FAM193A: variants seen among roughly 807,000 people sequenced by gnomAD.
FAM193A encodes family with sequence similarity 193 member A.
A neutral mutation model predicts 126.5 loss-of-function variants in FAM193A; 22 were observed. The ratio of observed to expected loss-of-function variants is 0.17; its 90% CI spans 0.12 to 0.25. The LOEUF is 0.25. Among genes scored for constraint, FAM193A ranks in the 10% least tolerant of loss-of-function variants. FAM193A has a pLI of 1.00. For missense variants in FAM193A, 1,675 were observed against 1,672.8 expected (o/e 1.00, Z -0.02); for synonymous variants, 761 against 646.8 (o/e 1.18, Z -2.68).
chr4:2,600,095 G>A (rs866022816), intron 2 of FAM193A, among the ~76,000 whole-genome samples: 5 of 152,096 alleles, frequency 3.3e-5, no homozygotes, highest in African/African-American at 7.2e-5. Context: ...ACAGGGTTTC[G>A]TGATGATGGC....
chr4:2,648,737 G>A (rs1023744659), intron 7 of FAM193A, among the ~76,000 whole-genome samples: 3 of 152,244 alleles, frequency 2.0e-5, no homozygotes, highest in African/African-American at 7.2e-5. Flanking sequence ...GGGTGCACCA[G>A]CCCATTTTCA....
intron 2 of FAM193A, among the ~76,000 whole-genome samples, chr4:2,604,599 C>G (rs762314826): frequency 6.6e-6 from 1 of 152,084 alleles, no homozygotes; most frequent in African/African-American, 2.4e-5. Flanking sequence ...TCGTGCCTTT[C>G]TCCTGAAGGG....
chr4:2,572,812 A>G (rs1373312937), intron 1 of FAM193A, among the ~76,000 whole-genome samples: 11 of 146,632 alleles, frequency 7.5e-5, no homozygotes, highest in Non-Finnish European at 3.0e-5. Context: ...ACCTGGCTGC[A>G]GTGAGAATAG....
intron 1 of FAM193A, among the ~76,000 whole-genome samples, chr4:2,590,470 A>C (rs1305680282): frequency 3.4e-5 from 3 of 87,532 alleles, no homozygotes; most frequent in African/African-American, 2.2e-4. Context: ...TCTCAAAAAA[A>C]AAAAACAAAA....
chr4:2,655,388 C>T (rs1042288374), intron 7 of FAM193A, among the ~76,000 whole-genome samples: 7 of 151,918 alleles, frequency 4.6e-5, no homozygotes, highest in Non-Finnish European at 8.8e-5. Flanking sequence ...TTCTTTATTC[C>T]ATTATTAAAT....
chr4:2,633,292 G>T (rs970492409), intron 5 of FAM193A, among the ~76,000 whole-genome samples: 2 of 151,866 alleles, frequency 1.3e-5, no homozygotes, highest in African/African-American at 4.8e-5. Flanking sequence ...CCAGCTACTC[G>T]GGAGGCTGAG....
At chr4:2,608,108 A>T in intron 2 of FAM193A, 2 of 1,608,706 alleles carry the variant, frequency 1.2e-6, no homozygotes, top group South Asian at 2.2e-5. Flanking sequence ...TGCTTCCACG[A>T]TCTACTATAT....
At chr4:2,611,012 C>G (rs1382692905) in intron 2 of FAM193A, among the ~76,000 whole-genome samples, 2 of 152,166 alleles carry the variant, frequency 1.3e-5, no homozygotes. Flanking sequence ...GCTGGGATTA[C>G]AGGCATGAGC....
intron 1 of FAM193A, among the ~76,000 whole-genome samples, chr4:2,562,673 A>AGGCTGGAG (rs961018139): frequency 7.5e-5 from 11 of 146,512 alleles, no homozygotes; most frequent in South Asian, 2.1e-4. Flanking sequence ...CTCTGTTGCC[A>AGGCTGGAG]GGCTGGAGTG....
rs2108793816 is a variant in FAM193A, at chr4:2,536,654, T to G, written c.-262T>G. On this transcript the variant is annotated 5_prime_UTR_variant, in exon 1 of 21. Coordinates refer to ENST00000637812, the MANE Select transcript of FAM193A (RefSeq NM_001366318.2). ...CCCCCGACGTAAACTGGGATCCCTT[T>G]CCCCTTGTGTCCGCCATATTGGACT... 6.7e-6 allele frequency: 1 copy of G among 149,392 alleles called. No individual in the cohort carries two copies. The highest frequency in any genetic ancestry group is 2.1e-4 in the South Asian group (1 of 4,692). The allele number at this position is 149,392 out of a possible 1,614,324, so 9.3% of individuals were successfully genotyped here.
chr4:2,541,186 C>T (rs1737212621), intron 1 of FAM193A, among the ~76,000 whole-genome samples: 1 of 151,586 alleles, frequency 6.6e-6, no homozygotes, highest in African/African-American at 2.4e-5. Context: ...AGGAGAATCG[C>T]TTGAACCTGG....
chr4:2,676,111 C>T, intron 13 of FAM193A, among the ~76,000 whole-genome samples: 1 of 152,180 alleles, frequency 6.6e-6, no homozygotes, highest in Admixed American at 6.5e-5. Flanking sequence ...TTTCAGGACC[C>T]TGCTTTCAGT....
chr4:2,537,801 C>A (rs1202287188), intron 1 of FAM193A, among the ~76,000 whole-genome samples: 2 of 152,200 alleles, frequency 1.3e-5, no homozygotes, highest in Non-Finnish European at 2.9e-5. Context: ...CCCCTCCTCC[C>A]CCGCTTTGTT....
intron 13 of FAM193A, among the ~76,000 whole-genome samples, chr4:2,682,457 CTTG>C (rs963431399): frequency 1.3e-5 from 2 of 152,110 alleles, no homozygotes; most frequent in Non-Finnish European, 2.9e-5. Flanking sequence ...TGCCACCATG[CTTG>C]TTGTTTTTTG....
intron 4 of FAM193A, among the ~76,000 whole-genome samples, chr4:2,629,935 A>G (rs1464427069): frequency 6.6e-6 from 1 of 152,212 alleles, no homozygotes; most frequent in East Asian, 1.9e-4. Flanking sequence ...GATCGGGACC[A>G]TCCTGGCTAA....
intron 1 of FAM193A, among the ~76,000 whole-genome samples, chr4:2,581,363 C>G (rs1355662120): frequency 1.3e-5 from 2 of 150,738 alleles, no homozygotes; most frequent in South Asian, 2.1e-4. Flanking sequence ...AAGTAATTCT[C>G]CTGCCTCAGC....
intron 1 of FAM193A, among the ~76,000 whole-genome samples, chr4:2,579,008 C>T (rs1739766332): frequency 6.6e-6 from 1 of 151,962 alleles, no homozygotes; most frequent in South Asian, 2.1e-4. Context: ...CTCTGTCACC[C>T]AGGCTGGAAT....
intron 20 of FAM193A, among the ~76,000 whole-genome samples, chr4:2,723,552 C>T (rs1720394376): frequency 6.9e-6 from 1 of 144,756 alleles, no homozygotes; most frequent in Non-Finnish European, 1.5e-5. Context: ...CCAGCCTGGG[C>T]AACAGAGCAA....
At chr4:2,623,913 G>T (rs1742712576) in intron 2 of FAM193A, among the ~76,000 whole-genome samples, 1 of 152,118 alleles carries the variant, frequency 6.6e-6, no homozygotes, top group South Asian at 2.1e-4. Context: ...TGATTATGGA[G>T]CTGGCAGCCC....
Sources: gnomAD v4.1 joint callset for allele counts (sites outside exome capture counted in the v4.1 genomes callset) on GRCh38, gnomAD v4.1.1 for gene constraint, MANE v1.5 for transcripts, NCBI Gene and HGNC (gene_info 2026-07-23, HGNC 2026-07-21) for gene names.